The following NCKAP5 variants were observed in gnomAD, a reference collection of about 807,000 sequenced individuals.
NCKAP5 encodes the protein NCK associated protein 5, also known as nck-associated protein 5.
In NCKAP5, 92 loss-of-function variants were observed where a neutral mutation model predicts 167.0. The observed-to-expected ratio is 0.55, with a 90% confidence interval of 0.47 to 0.66. The LOEUF is 0.66. Among genes scored for constraint, NCKAP5 ranks in the 30% least tolerant of loss-of-function variants. The pLI is 0.00. For missense variants in NCKAP5, 2,378 were observed against 2,315.0 expected (o/e 1.03, Z -0.56); for synonymous variants, 891 against 877.4 (o/e 1.02, Z -0.27).
intron 7 of NCKAP5, among the ~76,000 whole-genome samples, chr2:132,976,563 C>CAA (rs1169178217): frequency 4.8e-4 from 25 of 51,662 alleles, no homozygotes; most frequent in African/African-American, 9.2e-4. Flanking sequence ...GACTCCATCT[C>CAA]AAAAAAAAAA....
intron 16 of NCKAP5, among the ~76,000 whole-genome samples, chr2:132,768,637 C>CT (rs566719697): frequency 0.14 from 16,856 of 124,482 alleles, 1,536 homozygotes; most frequent in East Asian, 0.25. Flanking sequence ...TTAATAATAT[C>CT]TTTTTTTTTT....
intron 8 of NCKAP5, among the ~76,000 whole-genome samples, chr2:132,880,143 G>A (rs570092390): frequency 6.6e-6 from 1 of 152,310 alleles, no homozygotes; most frequent in East Asian, 1.9e-4. Flanking sequence ...TAGAGGCTGG[G>A]ATTTGGGGTA....
At chr2:132,955,057 A>G (rs1419044983) in intron 8 of NCKAP5, among the ~76,000 whole-genome samples, 1 of 152,270 alleles carries the variant, frequency 6.6e-6, no homozygotes, top group African/African-American at 2.4e-5. Context: ...TAGAATCTAA[A>G]GATTAGAAGG....
chr2:133,148,527 T>C (rs2083279859), intron 5 of NCKAP5, among the ~76,000 whole-genome samples: 3 of 152,140 alleles, frequency 2.0e-5, no homozygotes, highest in African/African-American at 7.2e-5. Context: ...AGCAGGGAAG[T>C]GCTTCAATTT....
At chr2:133,061,323 T>C (rs539273577) in intron 6 of NCKAP5, among the ~76,000 whole-genome samples, 4 of 152,222 alleles carry the variant, frequency 2.6e-5, no homozygotes, top group Non-Finnish European at 5.9e-5. Context: ...AATATGCCAT[T>C]GACAGGGCCC....
rs944281676 is a variant in NCKAP5, at chr2:132,770,765, T to G, written c.5128+3051A>C. Among the ~76,000 whole-genome samples, 3 of 152,172 alleles carry G rather than the reference T, an allele frequency of 2.0e-5. No individual in the cohort carries two copies. In the South Asian group the frequency reaches 6.2e-4, roughly 31 times the overall value. ...ATTTACGATATAGAACATACAGTCA[T>G]GTACAACAAAATGAAGTGTTGGCCA... On this transcript the variant is annotated intron_variant, in intron 16 of 19. Coordinates refer to ENST00000409261, the MANE Select transcript of NCKAP5 (RefSeq NM_207363.3).
intron 15 of NCKAP5, among the ~76,000 whole-genome samples, chr2:132,780,504 A>G (rs1398549558): frequency 6.6e-6 from 1 of 152,194 alleles, no homozygotes; most frequent in Non-Finnish European, 1.5e-5. Flanking sequence ...ACCTCACAAT[A>G]GACTAAATGA....
intron 8 of NCKAP5, among the ~76,000 whole-genome samples, chr2:132,899,729 A>AAGCATTG (rs1361599309): frequency 6.6e-6 from 1 of 152,050 alleles, no homozygotes; most frequent in Non-Finnish European, 1.5e-5. Flanking sequence ...ACAAAAAATT[A>AAGCATTG]AGCATTGTGG....
At position 133,559,054 on chromosome 2, in the gene NCKAP5, A is replaced by T. The variant is rs1687972129; in HGVS notation, c.-66T>A. ...TAACGTATTAATACTACTTACATGT[A>T]TTGTGAGTCTATTTTGGTACAGGCA... is the stretch of plus-strand genomic sequence containing the variant. On this transcript the variant is annotated 5_prime_UTR_variant, in exon 2 of 20. Transcript: ENST00000409261. 1 of 152,156 alleles carries T rather than the reference A, an allele frequency of 6.6e-6. No individual in the cohort carries two copies. The highest frequency in any genetic ancestry group is 1.5e-5 in the Non-Finnish European group (1 of 68,024). 9.4% of individuals were successfully genotyped at this position (152,156 alleles called of 1,614,324 possible). A position where few individuals can be genotyped will look rare whatever the true frequency, so the allele number is the denominator to read the frequency against.
chr2:133,272,196 T>C (rs1039650673), intron 4 of NCKAP5, among the ~76,000 whole-genome samples: 1 of 149,800 alleles, frequency 6.7e-6, no homozygotes, highest in African/African-American at 2.5e-5. Context: ...TGAAGAAAAA[T>C]GGAAATAAAT....
chr2:133,269,890 T>A (rs771121684), intron 4 of NCKAP5, among the ~76,000 whole-genome samples: 1 of 152,156 alleles, frequency 6.6e-6, no homozygotes, highest in Non-Finnish European at 1.5e-5. Flanking sequence ...TTTGAATTGC[T>A]TTGAATGTAG....
intron 6 of NCKAP5, among the ~76,000 whole-genome samples, chr2:133,035,454 T>C (rs1368690636): frequency 3.3e-5 from 5 of 152,052 alleles, no homozygotes; most frequent in Non-Finnish European, 1.5e-5. Flanking sequence ...AGCTACAGAA[T>C]ACACATTGTT....
chr2:133,272,223 C>G (rs977458038), intron 4 of NCKAP5, among the ~76,000 whole-genome samples: 1 of 146,772 alleles, frequency 6.8e-6, no homozygotes, highest in African/African-American at 2.5e-5. Flanking sequence ...AGTACCCAAA[C>G]AAAACAGAAC....
intron 6 of NCKAP5, among the ~76,000 whole-genome samples, chr2:133,129,036 T>C (rs1030186828): frequency 1.3e-5 from 2 of 151,470 alleles, no homozygotes; most frequent in African/African-American, 4.9e-5. Flanking sequence ...ACATACTCTC[T>C]CTTTGTCTTA....
intron 11 of NCKAP5, among the ~76,000 whole-genome samples, chr2:132,858,558 AGTCAT>A (rs1438690554): frequency 1.3e-5 from 2 of 152,232 alleles, no homozygotes; most frequent in African/African-American, 4.8e-5. Context: ...CTGAAAAGCC[AGTCAT>A]GTCCTCTGTC....
At chr2:133,373,340 T>C (rs1257124700) in intron 3 of NCKAP5, among the ~76,000 whole-genome samples, 1 of 151,940 alleles carries the variant, frequency 6.6e-6, no homozygotes, top group African/African-American at 2.4e-5. Context: ...ATTATAGGAG[T>C]GAGCCACCAC....
chr2:133,547,460 G>A (rs1310836043), intron 2 of NCKAP5, among the ~76,000 whole-genome samples: 10 of 152,078 alleles, frequency 6.6e-5, no homozygotes, highest in Admixed American at 6.5e-4. Context: ...AGTAACCTCT[G>A]CAGACTTAAG....
At chr2:133,238,428 A>T (rs1260571957) in intron 4 of NCKAP5, among the ~76,000 whole-genome samples, 1 of 152,146 alleles carries the variant, frequency 6.6e-6, no homozygotes. Context: ...CATTCTCTCT[A>T]TGACTAACTA....
chr2:133,252,851 C>T (rs1229714172), intron 4 of NCKAP5, among the ~76,000 whole-genome samples: 3 of 152,192 alleles, frequency 2.0e-5, no homozygotes, highest in Non-Finnish European at 2.9e-5. Flanking sequence ...AGAATTCGTT[C>T]CAATGTCCAG....
Sources: gnomAD v4.1 joint callset for allele counts (sites outside exome capture counted in the v4.1 genomes callset) on GRCh38, gnomAD v4.1.1 for gene constraint, MANE v1.5 for transcripts, NCBI Gene and HGNC (gene_info 2026-07-23, HGNC 2026-07-21) for gene names.